Variants in NELL1 observed in about 807,000 individuals in gnomAD.
The protein encoded by NELL1 is protein kinase C-binding protein NELL1.
NELL1 carries 76 observed loss-of-function variants against 107.4 expected under a neutral mutation model. That is an observed-to-expected ratio of 0.71 (90% CI 0.59 to 0.86). NELL1 has a LOEUF of 0.86. Among genes scored for constraint, NELL1 ranks in the 40% least tolerant of loss-of-function variants. The pLI, the probability that NELL1 is intolerant of heterozygous loss-of-function variation, is 0.00. For synonymous variants in NELL1, 353 were observed against 341.2 expected (o/e 1.03, Z -0.38); for missense variants, 1,024 against 1,005.5 (o/e 1.02, Z -0.25).
intron 14 of NELL1, among the ~76,000 whole-genome samples, chr11:21,233,464 A>T (rs191169649): frequency 1.3e-5 from 2 of 151,636 alleles, no homozygotes; most frequent in African/African-American, 4.9e-5. Flanking sequence ...TTATCATTTA[A>T]CTCTCTCCCT....
chr11:21,289,981 A>C (rs1849213508), intron 14 of NELL1, among the ~76,000 whole-genome samples: 1 of 152,192 alleles, frequency 6.6e-6, no homozygotes, highest in African/African-American at 2.4e-5. Context: ...AAAGAAAGGA[A>C]GCAGCCCCAG....
At chr11:21,340,304 C>T (rs1369524263) in intron 14 of NELL1, among the ~76,000 whole-genome samples, 4 of 152,202 alleles carry the variant, frequency 2.6e-5, no homozygotes, top group East Asian at 1.9e-4. Flanking sequence ...AGGCGCCCAC[C>T]GCCATACCTG....
chr11:20,936,972 A>T (rs1850739512), intron 9 of NELL1, among the ~76,000 whole-genome samples: 1 of 152,130 alleles, frequency 6.6e-6, no homozygotes, highest in Admixed American at 6.5e-5. Flanking sequence ...AAGGGTCCTC[A>T]TCAGGGCAGG....
chr11:20,839,711 G>C (rs777869842), intron 3 of NELL1, among the ~76,000 whole-genome samples: 19 of 152,230 alleles, frequency 1.2e-4, no homozygotes, highest in African/African-American at 4.6e-4. Context: ...GAATGGCAGA[G>C]GGGAGGGATT....
intron 2 of NELL1, among the ~76,000 whole-genome samples, chr11:20,690,916 C>T (rs1854447774): frequency 1.3e-5 from 2 of 152,044 alleles, no homozygotes; most frequent in South Asian, 4.2e-4. Context: ...TACCCATGAG[C>T]ATGGAATGTT....
intron 11 of NELL1, 97 bp downstream of exon 11, chr11:20,947,532 C>T: frequency 1.1e-6 from 1 of 870,400 alleles, no homozygotes; most frequent in Admixed American, 1.9e-5. Flanking sequence ...TAACATGGGT[C>T]CAAAACTCTG....
At chr11:21,199,254 A>G (rs922578039) in intron 13 of NELL1, among the ~76,000 whole-genome samples, 3 of 152,180 alleles carry the variant, frequency 2.0e-5, no homozygotes, top group Non-Finnish European at 4.4e-5. Context: ...TTGGGCTCCT[A>G]GCCAACTCTG....
chr11:20,904,325 G>A (rs766126695), intron 5 of NELL1, among the ~76,000 whole-genome samples: 3 of 152,048 alleles, frequency 2.0e-5, no homozygotes, highest in Non-Finnish European at 4.4e-5. Context: ...AATGTTTGAA[G>A]TGACAGTTAT....
intron 2 of NELL1, among the ~76,000 whole-genome samples, chr11:20,698,072 C>G (rs1854671210): frequency 6.6e-6 from 1 of 152,168 alleles, no homozygotes; most frequent in Non-Finnish European, 1.5e-5. Flanking sequence ...ATTTACTAGT[C>G]AACCTTACTT....
chr11:21,279,314 A>C (rs888346785), intron 14 of NELL1, among the ~76,000 whole-genome samples: 2 of 152,212 alleles, frequency 1.3e-5, no homozygotes, highest in Non-Finnish European at 2.9e-5. Flanking sequence ...AGACACTGTC[A>C]AGAAAGTGAG....
At chr11:21,142,496 G>A (rs139765448) in intron 13 of NELL1, among the ~76,000 whole-genome samples, 1 of 152,354 alleles carries the variant, frequency 6.6e-6, no homozygotes, top group South Asian at 2.1e-4. Flanking sequence ...ATAAAAATAG[G>A]ATGGGACAGA....
intron 5 of NELL1, among the ~76,000 whole-genome samples, chr11:20,912,884 T>C (rs1850163050): frequency 6.6e-6 from 1 of 152,202 alleles, no homozygotes; most frequent in Non-Finnish European, 1.5e-5. Context: ...TTTCCTTTCA[T>C]GCAGAAAGTC....
At chr11:20,990,471 C>T (rs1284390941) in intron 12 of NELL1, among the ~76,000 whole-genome samples, 1 of 152,170 alleles carries the variant, frequency 6.6e-6, no homozygotes, top group East Asian at 1.9e-4. Context: ...ATGCCAGTAC[C>T]AAGAGATTAT....
rs184701391 is a variant in NELL1 at position 20,759,672 on chromosome 11, T to A, written c.185-24008T>A. On this transcript the variant is annotated intron_variant, in intron 2 of 19. Transcript: ENST00000357134. ...CAGTTCAAGAAGCTGCTGGAGGAGG[T>A]TTGTCATTGCCAGGGCTGATAGAAT... 5.9e-5 allele frequency among the ~76,000 whole-genome samples: 9 copies of A among 152,096 alleles called. No individual in the cohort carries two copies. In the East Asian group the frequency reaches 1.7e-3, roughly 29 times the overall value.
intron 17 of NELL1, among the ~76,000 whole-genome samples, chr11:21,562,174 A>T (rs1004429767): frequency 1.3e-5 from 2 of 152,062 alleles, no homozygotes; most frequent in Non-Finnish European, 2.9e-5. Flanking sequence ...GAAGCAGGGA[A>T]CTTACTAATC....
chr11:20,996,515 G>C (rs540419468), intron 12 of NELL1, among the ~76,000 whole-genome samples: 2 of 152,030 alleles, frequency 1.3e-5, no homozygotes, highest in East Asian at 3.9e-4. Flanking sequence ...CTGCCTGGGC[G>C]GTCCACCTTG....
intron 10 of NELL1, among the ~76,000 whole-genome samples, chr11:20,939,162 C>T (rs987029762): frequency 4.6e-5 from 7 of 151,938 alleles, no homozygotes; most frequent in African/African-American, 1.7e-4. Flanking sequence ...ATTGAAAGGA[C>T]TCGAGTGATT....
chr11:21,349,434 A>G (rs1451410125), intron 14 of NELL1, among the ~76,000 whole-genome samples: 1 of 152,198 alleles, frequency 6.6e-6, no homozygotes, highest in African/African-American at 2.4e-5. Flanking sequence ...AATGTACTGC[A>G]TTCAAAAAAG....
chr11:20,956,754 G>C (rs757153557), intron 11 of NELL1, among the ~76,000 whole-genome samples: 3 of 152,000 alleles, frequency 2.0e-5, no homozygotes, highest in Non-Finnish European at 4.4e-5. Flanking sequence ...TTATAAATTC[G>C]ATCTCCTGAC....
Sources: gnomAD v4.1 joint callset for allele counts (sites outside exome capture counted in the v4.1 genomes callset) on GRCh38, gnomAD v4.1.1 for gene constraint, MANE v1.5 for transcripts, NCBI Gene and HGNC (gene_info 2026-07-23, HGNC 2026-07-21) for gene names.